GRIN2B: variants seen among roughly 807,000 people sequenced by gnomAD.
GRIN2B encodes the protein glutamate receptor ionotropic, NMDA 2B.
Under a neutral mutation model 114.5 loss-of-function variants are expected in GRIN2B, and 5 were observed. That is an observed-to-expected ratio of 0.04 (90% CI 0.02 to 0.09). GRIN2B has a LOEUF of 0.09. Ranked by LOEUF, GRIN2B falls within the 10% of genes least tolerant of loss-of-function variation. The probability of loss-of-function intolerance (pLI) is 1.00; values close to 1 mark genes in which losing one functional copy is unlikely to be tolerated. For synonymous variants in GRIN2B, 787 were observed against 745.1 expected, an observed-to-expected ratio of 1.06 and a Z score of -0.92; for missense variants, 1,108 against 1,943.5, an observed-to-expected ratio of 0.57 and a Z score of 8.08.
Position 13,548,211 on chromosome 12 carries a change from A to C in GRIN2B, c.*14572T>G, listed in dbSNP as rs1035379030. The C allele has an allele frequency of 4.0e-5, 6 of 151,684 alleles. No individual in the cohort carries two copies. The highest frequency in any genetic ancestry group is 1.5e-4 in the African/African-American group (6 of 41,328). The allele number at this position is 151,684 out of a possible 1,614,324, so 9.4% of individuals were successfully genotyped here. A position where few individuals can be genotyped will look rare whatever the true frequency, so the allele number is the denominator to read the frequency against. ...GCTTATCTTCTCTGTCTTTCATAGGATAGCTAAGCACCCATGCCCCCTAAG... is the reference window on the plus strand; with the variant it reads ...GCTTATCTTCTCTGTCTTTCATAGGCTAGCTAAGCACCCATGCCCCCTAAG... On this transcript the variant is annotated 3_prime_UTR_variant, in exon 14 of 14. Transcript: ENST00000609686.
intron 3 of GRIN2B, among the ~76,000 whole-genome samples, chr12:13,779,413 CTTAAGAA>C (rs1476469947): frequency 6.6e-6 from 1 of 152,038 alleles, no homozygotes; most frequent in African/African-American, 2.4e-5. Context: ...AACAGCAATC[CTTAAGAA>C]TTAAGCTCTA....
intron 3 of GRIN2B, among the ~76,000 whole-genome samples, chr12:13,788,959 C>T (rs901677461): frequency 6.6e-6 from 1 of 152,180 alleles, no homozygotes; most frequent in Non-Finnish European, 1.5e-5. Flanking sequence ...CGGCAAATGT[C>T]GAACTCACTT....
Position 13,578,916 on chromosome 12 carries a change from C to A in GRIN2B, c.2011-6952G>T, listed in dbSNP as rs539115752. On this transcript the variant is annotated intron_variant, in intron 10 of 13. Transcript: ENST00000609686. ...GGGAAAATGTATCAGGCTCAGGAAA[C>A]AGCAAATGCAAAGGTTCTGACATGG... Among the ~76,000 whole-genome samples, 4 of 152,116 alleles carry A rather than the reference C, an allele frequency of 2.6e-5. No individual in the cohort carries two copies. In the East Asian group the frequency reaches 7.7e-4, roughly 29 times the overall value.
At chr12:13,962,085 T>TAC (rs754107657) in intron 2 of GRIN2B, among the ~76,000 whole-genome samples, 2,368 of 60,384 alleles carry the variant, frequency 0.039, 27 homozygotes, top group South Asian at 0.11. Context: ...GTCTCTCTCA[T>TAC]ACATACACAC....
At chr12:13,664,339 G>A (rs1949954315) in intron 5 of GRIN2B, among the ~76,000 whole-genome samples, 1 of 152,078 alleles carries the variant, frequency 6.6e-6, no homozygotes, top group Non-Finnish European at 1.5e-5. Flanking sequence ...AGAACACTTT[G>A]CCCTGTGGAA....
In GRIN2B at chr12:13,733,824, G is replaced by A. The variant is rs150131126; in HGVS notation, c.1010+19493C>T. Among the ~76,000 whole-genome samples the A allele has an allele frequency of 1.5e-3, 232 of 152,310 alleles. 1 individual carries two copies. Among genetic ancestry groups the A allele is most frequent in the African/African-American group, 5.3e-3 (220 of 41,578 alleles). ...AAAAAACTTTGGAATCAGAAGGAAC[G>A]TAGGGCTCACGTCTTCTAAATTCTT... On this transcript the variant is annotated intron_variant, in intron 4 of 13. Coordinates refer to ENST00000609686, the MANE Select transcript of GRIN2B (RefSeq NM_000834.5).
intron 4 of GRIN2B, among the ~76,000 whole-genome samples, chr12:13,686,539 T>A (rs960880257): frequency 5.3e-5 from 8 of 152,196 alleles, no homozygotes; most frequent in Non-Finnish European, 1.0e-4. Flanking sequence ...CTGAAATTAC[T>A]GTGCATTTAT....
intron 2 of GRIN2B, among the ~76,000 whole-genome samples, chr12:13,916,496 A>T (rs951216550): frequency 6.6e-6 from 1 of 152,088 alleles, no homozygotes; most frequent in Admixed American, 6.5e-5. Flanking sequence ...CAAAACAAAA[A>T]TCTTGGTCCA....
At chr12:13,608,215 A>T (rs1226031522) in intron 10 of GRIN2B, among the ~76,000 whole-genome samples, 2 of 152,160 alleles carry the variant, frequency 1.3e-5, no homozygotes, top group African/African-American at 2.4e-5. Flanking sequence ...CTGGGAAGAA[A>T]AGGAGGCCAT....
chr12:13,809,527 G>T (rs1365434103), intron 3 of GRIN2B, among the ~76,000 whole-genome samples: 1 of 152,154 alleles, frequency 6.6e-6, no homozygotes, highest in African/African-American at 2.4e-5. Flanking sequence ...GTTGTTATGT[G>T]ACTCAAAATC....
chr12:13,919,322 G>A (rs1316733619), intron 2 of GRIN2B, among the ~76,000 whole-genome samples: 3 of 152,158 alleles, frequency 2.0e-5, no homozygotes, highest in Non-Finnish European at 4.4e-5. Context: ...AAAAAGTCAA[G>A]TTAGGGATTA....
chr12:13,731,072 T>A (rs1263921565), intron 4 of GRIN2B, among the ~76,000 whole-genome samples: 1 of 152,172 alleles, frequency 6.6e-6, no homozygotes, highest in Non-Finnish European at 1.5e-5. Context: ...CTCACTTTTT[T>A]CTAGATACTC....
intron 5 of GRIN2B, among the ~76,000 whole-genome samples, chr12:13,621,606 A>ATT (rs1949514987): frequency 1.9e-5 from 1 of 53,320 alleles, no homozygotes; most frequent in Admixed American, 1.8e-4. Flanking sequence ...AAAATTGCCT[A>ATT]GTTTTTGTTT....
At chr12:13,571,686 A>G in intron 11 of GRIN2B, 118 bp downstream of exon 11, 1 of 1,053,214 alleles carries the variant, frequency 9.5e-7, no homozygotes, top group South Asian at 1.3e-5. Context: ...GAGCAAATGA[A>G]GTCTTCTTTA....
chr12:13,666,543 T>C (rs1421047968), intron 5 of GRIN2B, among the ~76,000 whole-genome samples: 4 of 152,184 alleles, frequency 2.6e-5, no homozygotes, highest in African/African-American at 9.7e-5. Context: ...ATGTTCATGG[T>C]TTTTATTAAG....
At chr12:13,809,000 G>A (rs565039717) in intron 3 of GRIN2B, among the ~76,000 whole-genome samples, 3 of 152,048 alleles carry the variant, frequency 2.0e-5, no homozygotes, top group Non-Finnish European at 2.9e-5. Flanking sequence ...CTAGAGTACA[G>A]TGGAGGTGTA....
chr12:13,771,711 G>A (rs1863912085), intron 3 of GRIN2B, among the ~76,000 whole-genome samples: 1 of 152,250 alleles, frequency 6.6e-6, no homozygotes, highest in African/African-American at 2.4e-5. Flanking sequence ...TTCATTAAGT[G>A]TGAATCTATT....
In GRIN2B at chr12:13,781,857, A is replaced by G. The variant is rs114237329; in HGVS notation, c.412-27942T>C. 6.4e-3 allele frequency among the ~76,000 whole-genome samples: 970 copies of G among 152,268 alleles called. 14 individuals carry two copies. Among genetic ancestry groups the G allele is most frequent in the African/African-American group, 0.022 (917 of 41,548 alleles). ...GGGGTCAGCTGTCAGGGATTCCTTC[A>G]CTCAGTGAGATGTTGAACTAAATGA... On this transcript the variant is annotated intron_variant, in intron 3 of 13. Transcript: ENST00000609686.
chr12:13,710,824 G>A (rs949998846), intron 4 of GRIN2B, among the ~76,000 whole-genome samples: 20 of 152,110 alleles, frequency 1.3e-4, no homozygotes, highest in African/African-American at 4.8e-4. Context: ...TAGATTCAAT[G>A]CCATCCCCAT....
Sources: gnomAD v4.1 joint callset for allele counts (sites outside exome capture counted in the v4.1 genomes callset) on GRCh38, gnomAD v4.1.1 for gene constraint, MANE v1.5 for transcripts, NCBI Gene and HGNC (gene_info 2026-07-23, HGNC 2026-07-21) for gene names.